AFF3: variants seen among roughly 807,000 people sequenced by gnomAD.
AFF3 encodes AF4/FMR2 family member 3.
A neutral mutation model predicts 129.7 loss-of-function variants in AFF3; 32 were observed. That is an observed-to-expected ratio of 0.25 (90% CI 0.19 to 0.33). The LOEUF (loss-of-function observed/expected upper bound fraction) is 0.33. AFF3 is among the 10% of genes least tolerant of loss of function. The pLI is 1.00. For missense variants in AFF3, 1,373 were observed against 1,592.0 expected (o/e 0.86, Z 2.34); for synonymous variants, 644 against 635.4 (o/e 1.01, Z -0.20).
chr2:99,775,313 C>T (rs1256146062), intron 8 of AFF3, among the ~76,000 whole-genome samples: 1 of 152,134 alleles, frequency 6.6e-6, no homozygotes, highest in East Asian at 1.9e-4. Flanking sequence ...CCTAAATGCC[C>T]ATCAATGATA....
At chr2:99,807,451 G>T (rs1235636672) in intron 8 of AFF3, among the ~76,000 whole-genome samples, 4 of 152,080 alleles carry the variant, frequency 2.6e-5, no homozygotes, top group Non-Finnish European at 5.9e-5. Context: ...TGACCATTTG[G>T]CTTTCTGATA....
rs1443301155 is a variant in AFF3 at position 99,777,959 on chromosome 2, A to AC, written c.922-25659_922-25658insG. The stretch of plus-strand genomic sequence containing the variant: ...AAAAAAGCAAAAGCAAAAAAAAAAA[A>AC]AAAAAAAAAAAACAAAATGCAAAAA... On this transcript the variant is annotated intron_variant, in intron 8 of 24. Transcript: ENST00000672756. Among the ~76,000 whole-genome samples the AC allele has an allele frequency of 2.7e-4, 41 of 151,404 alleles. No homozygotes were observed. The Middle Eastern group carries it at 0.017, about 63-fold the overall frequency.
intron 11 of AFF3, among the ~76,000 whole-genome samples, chr2:99,724,936 G>T (rs973957126): frequency 5.3e-5 from 8 of 151,890 alleles, no homozygotes; most frequent in Admixed American, 2.0e-4. Flanking sequence ...TTTCCAGAGG[G>T]TTTAAAAGTA....
chr2:100,001,451 C>T (rs528416299), intron 7 of AFF3, among the ~76,000 whole-genome samples: 1 of 152,278 alleles, frequency 6.6e-6, no homozygotes, highest in East Asian at 1.9e-4. Flanking sequence ...TTTTTTGAGA[C>T]GGAGTCTCAC....
chr2:99,757,251 G>A (rs1404249009), intron 8 of AFF3, among the ~76,000 whole-genome samples: 2 of 152,094 alleles, frequency 1.3e-5, no homozygotes, highest in African/African-American at 4.8e-5. Flanking sequence ...CACTCTAGAT[G>A]TCTACTGAGC....
intron 13 of AFF3, among the ~76,000 whole-genome samples, chr2:99,648,917 A>ACACACACACACACACACACACTCTCTCT: frequency 4.3e-5 from 2 of 46,866 alleles, no homozygotes; most frequent in Non-Finnish European, 9.2e-5. Context: ...ACACACACAC[A>ACACACACACACACACACACACTCTCTCT]CTCTCTCTCT....
At chr2:99,736,767 G>A (rs574986269) in intron 10 of AFF3, among the ~76,000 whole-genome samples, 23 of 151,950 alleles carry the variant, frequency 1.5e-4, no homozygotes, top group Admixed American at 3.3e-4. Flanking sequence ...ACGCCACCAC[G>A]CCCGGCTAAT....
intron 13 of AFF3, among the ~76,000 whole-genome samples, chr2:99,639,311 C>T (rs1430907609): frequency 2.0e-5 from 3 of 152,196 alleles, no homozygotes; most frequent in Non-Finnish European, 4.4e-5. Context: ...TTAGACCCGA[C>T]AGCCTGCGTT....
intron 7 of AFF3, among the ~76,000 whole-genome samples, chr2:100,001,287 G>C (rs978802697): frequency 6.6e-6 from 1 of 152,166 alleles, no homozygotes; most frequent in African/African-American, 2.4e-5. Flanking sequence ...AGAGAGGAAA[G>C]AGAAAGCAAA....
chr2:99,947,785 G>A (rs1354572733), intron 7 of AFF3, among the ~76,000 whole-genome samples: 1 of 152,132 alleles, frequency 6.6e-6, no homozygotes, highest in East Asian at 1.9e-4. Flanking sequence ...GAATGCACAT[G>A]ATTCTGGTGT....
intron 11 of AFF3, among the ~76,000 whole-genome samples, chr2:99,705,637 G>A (rs1677287116): frequency 6.6e-6 from 1 of 152,034 alleles, no homozygotes; most frequent in Non-Finnish European, 1.5e-5. Flanking sequence ...ACTTTGGGAG[G>A]CCAAGGTGGG....
At chr2:99,850,719 A>T (rs1288790234) in intron 7 of AFF3, among the ~76,000 whole-genome samples, 1 of 152,214 alleles carries the variant, frequency 6.6e-6, no homozygotes, top group Non-Finnish European at 1.5e-5. Context: ...TTGAATGGTA[A>T]ATTTCTGTAT....
intron 7 of AFF3, among the ~76,000 whole-genome samples, chr2:99,959,741 C>G (rs1430914826): frequency 1.4e-5 from 2 of 146,910 alleles, no homozygotes; most frequent in Non-Finnish European, 3.0e-5. Context: ...TGGCATTTTT[C>G]CTCCAAAAAT....
At chr2:99,921,132 T>C (rs1695831310) in intron 7 of AFF3, among the ~76,000 whole-genome samples, 1 of 152,040 alleles carries the variant, frequency 6.6e-6, no homozygotes, top group African/African-American at 2.4e-5. Context: ...CACATAAAAA[T>C]ACAACTTGAA....
intron 8 of AFF3, among the ~76,000 whole-genome samples, chr2:99,829,698 C>CA (rs1688372748): frequency 6.6e-6 from 1 of 152,162 alleles, no homozygotes; most frequent in Non-Finnish European, 1.5e-5. Context: ...TAAATTATTT[C>CA]AACCATTGTG....
intron 8 of AFF3, among the ~76,000 whole-genome samples, chr2:99,760,644 C>G (rs915357664): frequency 6.6e-6 from 1 of 152,200 alleles, no homozygotes; most frequent in African/African-American, 2.4e-5. Context: ...CCCCAACCAC[C>G]CTTTCATTGC....
At chr2:99,981,202 G>T (rs898251071) in intron 7 of AFF3, among the ~76,000 whole-genome samples, 3 of 151,956 alleles carry the variant, frequency 2.0e-5, no homozygotes, top group African/African-American at 4.8e-5. Context: ...ATTTTTAGTA[G>T]AGATAGGGTT....
chr2:99,876,997 G>T (rs964367724), intron 7 of AFF3, among the ~76,000 whole-genome samples: 1 of 152,158 alleles, frequency 6.6e-6, no homozygotes, highest in Non-Finnish European at 1.5e-5. Context: ...TTGGAGTGTT[G>T]CTGGACATAA....
intron 7 of AFF3, among the ~76,000 whole-genome samples, chr2:99,929,660 T>C (rs1437315381): frequency 6.6e-6 from 1 of 152,190 alleles, no homozygotes; most frequent in Non-Finnish European, 1.5e-5. Flanking sequence ...TGACATCACG[T>C]TGCCTTGCCT....
Sources: allele counts gnomAD v4.1 joint callset (sites outside exome capture counted in the v4.1 genomes callset), GRCh38; gene constraint gnomAD v4.1.1; transcripts MANE v1.5; gene names NCBI Gene and HGNC (gene_info 2026-07-23, HGNC 2026-07-21).